Variants in CLSTN2 observed in about 807,000 individuals in gnomAD.
The protein encoded by CLSTN2 is calsyntenin 2.
In CLSTN2, 48 loss-of-function variants were observed where a neutral mutation model predicts 101.2. The observed-to-expected ratio is 0.47, with a 90% CI of 0.38 to 0.60. CLSTN2 has a LOEUF of 0.60. CLSTN2 is among the 20% of genes least tolerant of loss of function. The pLI is 0.00. For synonymous variants in CLSTN2, 481 were observed against 463.6 expected (o/e 1.04, Z -0.48); for missense variants, 1,160 against 1,238.2 (o/e 0.94, Z 0.95).
At chr3:139,982,514 G>A (rs1400004571) in intron 1 of CLSTN2, among the ~76,000 whole-genome samples, 1 of 152,136 alleles carries the variant, frequency 6.6e-6, no homozygotes, top group Non-Finnish European at 1.5e-5. Context: ...AAGGCTCAGA[G>A]AGGCTTCTTT....
intron 2 of CLSTN2, among the ~76,000 whole-genome samples, chr3:140,296,236 G>A (rs1576503838): frequency 6.6e-6 from 1 of 152,184 alleles, no homozygotes; most frequent in East Asian, 1.9e-4. Flanking sequence ...TATTCTTGAA[G>A]ATGATCTTTA....
chr3:140,436,613 C>T (rs536335314), intron 5 of CLSTN2, among the ~76,000 whole-genome samples: 5 of 152,322 alleles, frequency 3.3e-5, no homozygotes, highest in African/African-American at 1.2e-4. Flanking sequence ...TTGGGTGTTC[C>T]CTGGTCAGGT....
At chr3:140,304,798 T>C (rs1041441533) in intron 2 of CLSTN2, among the ~76,000 whole-genome samples, 6 of 152,116 alleles carry the variant, frequency 3.9e-5, no homozygotes, top group African/African-American at 1.4e-4. Context: ...CCAGCCTGAT[T>C]TGAGTCCCCA....
chr3:140,486,836 C>G (rs1483338255), intron 8 of CLSTN2, among the ~76,000 whole-genome samples: 2 of 152,158 alleles, frequency 1.3e-5, no homozygotes, highest in African/African-American at 4.8e-5. Flanking sequence ...GGAAGTTGGG[C>G]ACATGTCCAG....
chr3:140,513,133 T>C (rs1576606383), intron 8 of CLSTN2, among the ~76,000 whole-genome samples: 1 of 152,200 alleles, frequency 6.6e-6, no homozygotes, highest in Non-Finnish European at 1.5e-5. Context: ...GGGCCAAACT[T>C]CCAATACAAT....
intron 2 of CLSTN2, among the ~76,000 whole-genome samples, chr3:140,251,966 C>T (rs1375629958): frequency 2.0e-5 from 3 of 152,136 alleles, no homozygotes; most frequent in Non-Finnish European, 2.9e-5. Flanking sequence ...GATGTGGCAG[C>T]TGCAGTGGGG....
At chr3:140,506,461 C>T (rs1934685372) in intron 8 of CLSTN2, among the ~76,000 whole-genome samples, 1 of 152,184 alleles carries the variant, frequency 6.6e-6, no homozygotes, top group Non-Finnish European at 1.5e-5. Flanking sequence ...CCTCCCCTCA[C>T]CTTCTCTTTG....
At chr3:140,530,206 A>T (rs1935224912) in intron 8 of CLSTN2, among the ~76,000 whole-genome samples, 2 of 152,248 alleles carry the variant, frequency 1.3e-5, no homozygotes, top group South Asian at 4.1e-4. Context: ...TAGCCATATT[A>T]CACAGCTACT....
At chr3:140,176,986 CT>C (rs1267281043) in intron 2 of CLSTN2, among the ~76,000 whole-genome samples, 4 of 152,110 alleles carry the variant, frequency 2.6e-5, no homozygotes, top group African/African-American at 9.7e-5. Flanking sequence ...AAAGGGGGTT[CT>C]TTTGCACTTC....
chr3:140,093,530 C>T (rs1260793126), intron 1 of CLSTN2, among the ~76,000 whole-genome samples: 4 of 152,172 alleles, frequency 2.6e-5, no homozygotes, highest in Non-Finnish European at 5.9e-5. Context: ...TGCTGAATTT[C>T]AATGTCCCCT....
intron 2 of CLSTN2, among the ~76,000 whole-genome samples, chr3:140,253,118 C>G (rs1267764382): frequency 6.6e-6 from 1 of 152,124 alleles, no homozygotes; most frequent in Non-Finnish European, 1.5e-5. Context: ...GTACACCAGG[C>G]AAAAGACAGT....
chr3:140,333,006 A>G lies in CLSTN2; in HGVS notation c.233-70623A>G, dbSNP rs1041519673. 1.1e-4 allele frequency among the ~76,000 whole-genome samples: 16 copies of G among 152,192 alleles called. 1 individual carries two copies. Among genetic ancestry groups the G allele is most frequent in the Admixed American group, 9.8e-4 (15 of 15,280 alleles). Reference sequence around the variant, plus strand: ...TCAAATCTCCTTTGCAAGGGAGTCCATGATCCTGCACTGGGGTGTTAAGGC... The same window carrying G: ...TCAAATCTCCTTTGCAAGGGAGTCCGTGATCCTGCACTGGGGTGTTAAGGC... On this transcript the variant is annotated intron_variant, in intron 2 of 16. Coordinates refer to ENST00000458420, the MANE Select transcript of CLSTN2 (RefSeq NM_022131.3).
At chr3:140,418,093 T>C (rs1403471317) in intron 4 of CLSTN2, among the ~76,000 whole-genome samples, 1 of 152,180 alleles carries the variant, frequency 6.6e-6, no homozygotes, top group Admixed American at 6.5e-5. Flanking sequence ...GTAAGAGGAG[T>C]ATCTTTTGAG....
chr3:140,398,798 G>C (rs1332953674), intron 2 of CLSTN2, among the ~76,000 whole-genome samples: 2 of 152,212 alleles, frequency 1.3e-5, no homozygotes, highest in Non-Finnish European at 2.9e-5. Context: ...GGAGCAAAAT[G>C]TGCTCTAAAA....
At chr3:140,414,698 C>T (rs2088407810) in intron 4 of CLSTN2, among the ~76,000 whole-genome samples, 1 of 151,838 alleles carries the variant, frequency 6.6e-6, no homozygotes, top group Non-Finnish European at 1.5e-5. Context: ...CACTTGTACC[C>T]CTAAAACTAT....
chr3:140,493,135 C>G lies in CLSTN2; in HGVS notation c.1344+26404C>G, dbSNP rs138401940. ...AAAACGTCTGGGAACATTATTGCCT[C>G]ACTCATGTTTTCCCATTGCCTTCCT... is the stretch of plus-strand genomic sequence containing the variant. On this transcript the variant is annotated intron_variant, in intron 8 of 16. Transcript: ENST00000458420. 3.9e-5 allele frequency among the ~76,000 whole-genome samples: 6 copies of G among 152,228 alleles called. 1 individual carries two copies. Among genetic ancestry groups the G allele is most frequent in the African/African-American group, 1.4e-4 (6 of 41,450 alleles).
At position 139,938,034 on chromosome 3, in the gene CLSTN2, G is replaced by C. The variant is rs549494808; in HGVS notation, c.109+2551G>C. ...TGCATTTTATGTTTCCAAATCATAT[G>C]ATCTCTGAAGAATGTTTGAAATGAT... On this transcript the variant is annotated intron_variant, in intron 1 of 16. Transcript: ENST00000458420. Among the ~76,000 whole-genome samples, 6 of 150,842 alleles carry C rather than the reference G, an allele frequency of 4.0e-5. No individual in the cohort carries two copies. In the South Asian group the frequency reaches 1.3e-3, roughly 31 times the overall value.
intron 1 of CLSTN2, among the ~76,000 whole-genome samples, chr3:140,114,542 C>T (rs755470746): frequency 5.3e-5 from 8 of 152,244 alleles, no homozygotes; most frequent in Admixed American, 2.6e-4. Flanking sequence ...AACAAAGGGG[C>T]GGTCTTAGAC....
chr3:140,393,087 A>G (rs1469486756), intron 2 of CLSTN2, among the ~76,000 whole-genome samples: 1 of 152,140 alleles, frequency 6.6e-6, no homozygotes, highest in African/African-American at 2.4e-5. Context: ...TCCCGACCCA[A>G]TCACCTCTTA....
Sources: allele counts gnomAD v4.1 joint callset (sites outside exome capture counted in the v4.1 genomes callset), GRCh38; gene constraint gnomAD v4.1.1; transcripts MANE v1.5; gene names NCBI Gene and HGNC (gene_info 2026-07-23, HGNC 2026-07-21).